The following SPDYE21 variants were observed in gnomAD, a reference collection of about 807,000 sequenced individuals.
The protein encoded by SPDYE21 is speedy/RINGO cell cycle regulator family member E21.
SPDYE21 carries 14 observed loss-of-function variants against 36.2 expected under a neutral mutation model. The ratio of observed to expected loss-of-function variants is 0.39; its 90% confidence interval spans 0.26 to 0.61. The LOEUF is 0.61. Ranked by LOEUF, SPDYE21 falls within the 20% of genes least tolerant of loss-of-function variation. The pLI is 0.55. For synonymous variants in SPDYE21, 58 were observed against 155.1 expected (o/e 0.37, Z 4.65); for missense variants, 233 against 424.6 (o/e 0.55, Z 3.97).
rs912730757 is a variant in SPDYE21 at position 67,288,614 on chromosome 7, A to C, written c.*1142A>C. Among the ~76,000 whole-genome samples the C allele has an allele frequency of 2.0e-5, 3 of 149,706 alleles. No homozygotes were observed. Among genetic ancestry groups the C allele is most frequent in the Non-Finnish European group, 3.0e-5 (2 of 67,446 alleles). On this transcript the variant is annotated 3_prime_UTR_variant, in exon 9 of 9. Coordinates refer to ENST00000424157, the MANE Select transcript of SPDYE21 (RefSeq NM_001382715.2). Reference sequence around the variant, plus strand: ...GGTATTATAACTGTTATATACACATACATATAATTTTGTTTTCCTTTTTAA... The same window carrying C: ...GGTATTATAACTGTTATATACACATCCATATAATTTTGTTTTCCTTTTTAA...
In SPDYE21 at chr7:67,286,120, C is replaced by T. The variant is rs1207904994; in HGVS notation, c.832C>T (p.Arg278Cys). 8.7e-6 allele frequency: 14 copies of T among 1,612,426 alleles called. No homozygotes were observed. The highest frequency in any genetic ancestry group is 6.7e-5 in the East Asian group (3 of 44,832). Residue 278 changes from arginine to cysteine, a missense_variant, in exon 7 of 9, where the codon CGC becomes TGC. Coordinates refer to ENST00000424157, the MANE Select transcript of SPDYE21 (RefSeq NM_001382715.2). Reference sequence around the variant, plus strand: ...CTTCCACTTCCTGTATGGGAAGACCCGCTCTCGCATACCCTTGCTCCGTAA... The same window carrying T: ...CTTCCACTTCCTGTATGGGAAGACCTGCTCTCGCATACCCTTGCTCCGTAA... ...NIFHFLYGKT[R>C]SRIPLLRKRW...
chr7:67,284,373 C>CAGGAGGTG, intron 6 of SPDYE21, among the ~76,000 whole-genome samples: 1 of 145,612 alleles, frequency 6.9e-6, no homozygotes, highest in East Asian at 2.1e-4. Context: ...CCTTTGAACC[C>CAGGAGGTG]AGGAGGTGGA....
chr7:67,279,953 T>C lies in SPDYE21; in HGVS notation c.296T>C (p.Leu99Pro). ...GAGGAGACCTGGGTAGTGGAGACGC[T>C]GTGTGGGCTTAAGATGAAGCTGAAG... is the stretch of plus-strand genomic sequence containing the variant. ...EPEETWVVET[L>P]CGLKMKLKQQ... Residue 99 changes from leucine to proline, a missense_variant, in exon 3 of 9, where the codon CTG becomes CCG. Physicochemically the swap from Leu to Pro is moderately conservative, Grantham distance 98. This residue lies in a region of SPDYE21 where 68 missense variants were observed against 87.6 expected (regional missense o/e 0.78). Transcript: ENST00000424157. 6.4e-7 allele frequency: 1 copy of C among 1,574,686 alleles called. No individual in the cohort carries two copies. The highest frequency in any genetic ancestry group is 8.6e-7 in the Non-Finnish European group (1 of 1,167,514).
rs1449846242 is a variant in SPDYE21, at chr7:67,287,363, C to CACAGTTGA, written c.*46-153_*46-152insAGTTGAAC. On this transcript the variant is annotated intron_variant, in intron 8 of 8. Transcript: ENST00000424157. ...CCAAAATGTGAGTTTCACAGTTGAACACGATGGTTCAGAAGCAGGGTATAG... is the reference window on the plus strand; with the variant it reads ...CCAAAATGTGAGTTTCACAGTTGAACACAGTTGAACGATGGTTCAGAAGCAGGGTATAG... Among the ~76,000 whole-genome samples the CACAGTTGA allele has an allele frequency of 4.7e-4, 71 of 152,254 alleles. No individual in the cohort carries two copies. In the South Asian group the frequency reaches 0.015, roughly 31 times the overall value.
At chr7:67,280,253 GT>G (rs1802608538) in intron 3 of SPDYE21, among the ~76,000 whole-genome samples, 1 of 152,136 alleles carries the variant, frequency 6.6e-6, no homozygotes, top group South Asian at 2.1e-4. Context: ...AGAAAGCTTG[GT>G]TTCGCACCAG....
rs968406511 is a variant in SPDYE21 at position 67,276,969 on chromosome 7, C to T, written c.-516C>T. ...AATGGGACTTCCACAGCAATGGGAT[C>T]GGCTTCCTCTTTCAGTGTGTGCCTT... On this transcript the variant is annotated 5_prime_UTR_variant, in exon 1 of 9. Coordinates refer to ENST00000424157, the MANE Select transcript of SPDYE21 (RefSeq NM_001382715.2). Among the ~76,000 whole-genome samples, 17 of 152,194 alleles carry T rather than the reference C, an allele frequency of 1.1e-4. No homozygotes were observed. Among genetic ancestry groups the T allele is most frequent in the Non-Finnish European group, 2.2e-4 (15 of 68,028 alleles).
intron 5 of SPDYE21, among the ~76,000 whole-genome samples, chr7:67,283,139 AT>A (rs570666812): frequency 7.5e-4 from 111 of 147,268 alleles, no homozygotes; most frequent in Admixed American, 3.9e-3. Context: ...GCACCCACAA[AT>A]TTTTTTTTTG....
Position 67,287,760 on chromosome 7 carries a change from C to T in SPDYE21, c.*288C>T, listed in dbSNP as rs1483358129. ...GAAACCAGGAGTGTTTCCAGTTCCACCCTTTCCTGCGGCACCACCACCCTT... is the reference window on the plus strand; with the variant it reads ...GAAACCAGGAGTGTTTCCAGTTCCATCCTTTCCTGCGGCACCACCACCCTT... On this transcript the variant is annotated 3_prime_UTR_variant, in exon 9 of 9. Transcript: ENST00000424157. 1.3e-5 allele frequency among the ~76,000 whole-genome samples: 2 copies of T among 151,730 alleles called. No individual in the cohort carries two copies. Among genetic ancestry groups the T allele is most frequent in the Non-Finnish European group, 2.9e-5 (2 of 67,950 alleles).
intron 1 of SPDYE21, among the ~76,000 whole-genome samples, chr7:67,277,418 C>G (rs1238126177): frequency 6.6e-6 from 1 of 151,774 alleles, no homozygotes; most frequent in South Asian, 2.1e-4. Context: ...CATTTTTTAT[C>G]AAAAAAATTT....
In SPDYE21 at chr7:67,280,035, T is replaced by C; in HGVS notation, c.378T>C (p.Leu126=). The part of the protein sequence containing the change: ...PEHHKDFNSQ[L]APGVDPSPPH... ...ACCACAAGGACTTCAACAGTCAGCT[T>C]GGTAGGAGGACACCCCAGAGAGCAC... is the stretch of plus-strand genomic sequence containing the variant. Residue 126 remains leucine, a splice_region_variant and synonymous_variant, in exon 3 of 9, where the codon CTT becomes CTC. Coordinates refer to ENST00000424157, the MANE Select transcript of SPDYE21 (RefSeq NM_001382715.2). 3 of 1,583,556 alleles carry C rather than the reference T, an allele frequency of 1.9e-6. No homozygotes were observed. The highest frequency in any genetic ancestry group is 2.6e-6 in the Non-Finnish European group (3 of 1,174,244).
intron 4 of SPDYE21, 32 bp from the exon 5 acceptor site, chr7:67,282,603 T>C: frequency 6.3e-7 from 1 of 1,589,636 alleles, no homozygotes; most frequent in South Asian, 1.1e-5. Flanking sequence ...CCTGTCCTGC[T>C]TCTCACACTG....
intron 3 of SPDYE21, among the ~76,000 whole-genome samples, chr7:67,280,735 A>C (rs866356306): frequency 0.017 from 2,283 of 130,646 alleles, 8 homozygotes; most frequent in African/African-American, 0.061. Flanking sequence ...AAAAAGAAGG[A>C]AGGAAGGGCC....
At chr7:67,281,099 CAAAAA>C (rs3972832) in intron 3 of SPDYE21, among the ~76,000 whole-genome samples, 13 of 43,752 alleles carry the variant, frequency 3.0e-4, no homozygotes, top group Admixed American at 7.1e-4. Flanking sequence ...ACAACAACAA[CAAAAA>C]AAAAAAAAAA....
intron 2 of SPDYE21, 171 bp from the exon 3 acceptor site, chr7:67,279,647 G>A (rs1802597478): frequency 6.6e-7 from 1 of 1,506,696 alleles, no homozygotes. Context: ...AGAATGGGGA[G>A]GGGAAGGAGC....
rs1486624871 is a variant in SPDYE21, at chr7:67,288,607, T to C, written c.*1135T>C. Among the ~76,000 whole-genome samples, 5 of 149,844 alleles carry C rather than the reference T, an allele frequency of 3.3e-5. 1 individual carries two copies. The highest frequency in any genetic ancestry group is 9.7e-5 in the African/African-American group (4 of 41,036). ...TGTGATGGGTATTATAACTGTTATA[T>C]ACACATACATATAATTTTGTTTTCC... is the stretch of plus-strand genomic sequence containing the variant. On this transcript the variant is annotated 3_prime_UTR_variant, in exon 9 of 9. Coordinates refer to ENST00000424157, the MANE Select transcript of SPDYE21 (RefSeq NM_001382715.2).
chr7:67,279,633 G>A, intron 2 of SPDYE21, 185 bp from the exon 3 acceptor site: 1 of 1,477,820 alleles, frequency 6.8e-7, no homozygotes, highest in Non-Finnish European at 8.9e-7. Context: ...GACAGAGAGA[G>A]AGAAGAATGG....
chr7:67,278,765 A>G lies in SPDYE21; in HGVS notation c.52A>G (p.Ile18Val), dbSNP rs1802581242. 6.6e-6 allele frequency among the ~76,000 whole-genome samples: 1 copy of G among 151,816 alleles called. No homozygotes were observed. The highest frequency in any genetic ancestry group is 2.1e-4 in the South Asian group (1 of 4,806). ...TAAGAGGGGACAGATTACGGGAAAG[A>G]TCACGACCAGCCGTCAACTGCACCC... ...FRKRGQITGK[I>V]TTSRQLHPQN... Residue 18 changes from isoleucine to valine, a missense_variant, in exon 2 of 9, where the codon ATC (isoleucine) becomes GTC (valine). Coordinates refer to ENST00000424157, the MANE Select transcript of SPDYE21 (RefSeq NM_001382715.2).
At chr7:67,284,313 G>A (rs71247969) in intron 6 of SPDYE21, among the ~76,000 whole-genome samples, 7,103 of 151,722 alleles carry the variant, frequency 0.047, 225 homozygotes, top group Non-Finnish European at 0.075. Context: ...GCTGGGCGTG[G>A]TGGTGTGCAT....
At position 67,280,020 on chromosome 7, in the gene SPDYE21, C is replaced by A; in HGVS notation, c.363C>A (p.Asp121Glu). 6.3e-7 allele frequency: 1 copy of A among 1,585,630 alleles called. No homozygotes were observed. The highest frequency in any genetic ancestry group is 8.5e-7 in the Non-Finnish European group (1 of 1,175,018). Reference protein sequence around the residue: ...VSPILPEHHKDFNSQLAPGVD... With the variant: ...VSPILPEHHKEFNSQLAPGVD... ...CCATCCTCCCTGAGCACCACAAGGACTTCAACAGTCAGCTTGGTAGGAGGA... is the reference window on the plus strand; with the variant it reads ...CCATCCTCCCTGAGCACCACAAGGAATTCAACAGTCAGCTTGGTAGGAGGA... Residue 121 changes from aspartate to glutamate, a missense_variant, in exon 3 of 9, where the codon GAC becomes GAA. Coordinates refer to ENST00000424157, the MANE Select transcript of SPDYE21 (RefSeq NM_001382715.2).
Sources: gnomAD v4.1 joint callset for allele counts (sites outside exome capture counted in the v4.1 genomes callset) on GRCh38, gnomAD v4.1.1 for gene constraint, gnomAD v4.1.1 regional missense constraint, MANE v1.5 for transcripts, NCBI Gene and HGNC (gene_info 2026-07-23, HGNC 2026-07-21) for gene names.